Variants in INPP4B observed in about 807,000 individuals in gnomAD.
INPP4B encodes inositol polyphosphate 4-phosphatase type II.
INPP4B carries 55 observed loss-of-function variants against 122.5 expected under a neutral mutation model. The ratio of observed to expected loss-of-function variants is 0.45; its 90% confidence interval spans 0.36 to 0.56. The LOEUF (loss-of-function observed/expected upper bound fraction) is 0.56, where lower values mean the gene tolerates loss of function less well. INPP4B is among the 20% of genes least tolerant of loss of function. The pLI is 0.00. For missense variants in INPP4B, 1,000 were observed against 1,097.7 expected, an observed-to-expected ratio of 0.91 and a Z score of 1.26; for synonymous variants, 403 against 388.7, an observed-to-expected ratio of 1.04 and a Z score of -0.43.
chr4:142,541,147 G>A (rs942137821), intron 2 of INPP4B, among the ~76,000 whole-genome samples: 2 of 152,134 alleles, frequency 1.3e-5, no homozygotes, highest in African/African-American at 2.4e-5. Context: ...TTAAACAGAT[G>A]ATATTTAAAG....
chr4:142,269,306 T>TC (rs397688228), intron 10 of INPP4B, among the ~76,000 whole-genome samples: 6 of 151,246 alleles, frequency 4.0e-5, no homozygotes, highest in Admixed American at 6.6e-5. Flanking sequence ...CCCTCTTTTT[T>TC]CCTCTCTTCT....
chr4:142,617,617 G>A (rs956284453), intron 2 of INPP4B, among the ~76,000 whole-genome samples: 20 of 152,030 alleles, frequency 1.3e-4, no homozygotes, highest in Non-Finnish European at 2.1e-4. Flanking sequence ...AGGTTAGCCC[G>A]TGAGCAATAA....
rs567775229 is a variant in INPP4B at position 142,213,318 on chromosome 4, G to A, written c.837-4292C>T. ...ACCCCGGAGGAATGGTACCATCTCA[G>A]TGGCTCATTGTCAGTCTGTTTCTGG... On this transcript the variant is annotated intron_variant, in intron 12 of 25. Transcript: ENST00000262992. Among the ~76,000 whole-genome samples the A allele has an allele frequency of 2.4e-4, 36 of 152,300 alleles. No individual in the cohort carries two copies. In the South Asian group the frequency reaches 7.3e-3, roughly 31 times the overall value.
chr4:142,483,968 G>A (rs1160051817), intron 2 of INPP4B, among the ~76,000 whole-genome samples: 1 of 151,936 alleles, frequency 6.6e-6, no homozygotes, highest in Non-Finnish European at 1.5e-5. Context: ...TGCATCATGA[G>A]AGGATTAATG....
intron 7 of INPP4B, among the ~76,000 whole-genome samples, chr4:142,374,378 T>C (rs1396093636): frequency 6.6e-6 from 1 of 152,110 alleles, no homozygotes; most frequent in Admixed American, 6.6e-5. Flanking sequence ...TTCAGTCATC[T>C]AGATTTCTCA....
chr4:142,559,719 A>T lies in INPP4B; in HGVS notation c.-190-96993T>A, dbSNP rs571539808. ...GATAACTATATATATTATTTATGTC[A>T]CTAGTTTAACTAGACATGTCATTAA... On this transcript the variant is annotated intron_variant, in intron 2 of 25. Coordinates refer to ENST00000262992, the MANE Select transcript of INPP4B (RefSeq NM_001101669.3). Among the ~76,000 whole-genome samples, 13 of 152,290 alleles carry T rather than the reference A, an allele frequency of 8.5e-5. No individual in the cohort carries two copies. In the East Asian group the frequency reaches 2.5e-3, roughly 29 times the overall value.
At chr4:142,827,850 A>C (rs1441926368) in intron 1 of INPP4B, among the ~76,000 whole-genome samples, 1 of 152,204 alleles carries the variant, frequency 6.6e-6, no homozygotes, top group Non-Finnish European at 1.5e-5. Context: ...AACACTAAGG[A>C]GATATTGGTG....
chr4:142,431,655 G>T (rs1809326702), intron 3 of INPP4B, among the ~76,000 whole-genome samples: 1 of 152,120 alleles, frequency 6.6e-6, no homozygotes, highest in Admixed American at 6.6e-5. Flanking sequence ...TAAGATAGTG[G>T]ATAGCTATAG....
At chr4:142,477,480 T>TAAAC (rs200091143) in intron 2 of INPP4B, among the ~76,000 whole-genome samples, 1,618 of 142,660 alleles carry the variant, frequency 0.011, 30 homozygotes, top group African/African-American at 0.04. Context: ...GAAAAAAAAA[T>TAAAC]AAATCCAGAA....
At chr4:142,190,608 T>G (rs936563208) in intron 15 of INPP4B, among the ~76,000 whole-genome samples, 1 of 152,198 alleles carries the variant, frequency 6.6e-6, no homozygotes, top group African/African-American at 2.4e-5. Context: ...CTTTATTGTA[T>G]TTTATCCATA....
intron 1 of INPP4B, among the ~76,000 whole-genome samples, chr4:142,844,242 T>G (rs145749098): frequency 4.1e-4 from 63 of 152,328 alleles, no homozygotes; most frequent in African/African-American, 1.5e-3. Flanking sequence ...AAAAGCAAAT[T>G]TGAGTTATAA....
intron 1 of INPP4B, among the ~76,000 whole-genome samples, chr4:142,842,706 AAATATAATATATT>A: frequency 7.5e-6 from 1 of 132,460 alleles, no homozygotes; most frequent in East Asian, 2.0e-4. Flanking sequence ...TATAATATAT[AAATATAATATATT>A]AATATATTAT....
intron 2 of INPP4B, among the ~76,000 whole-genome samples, chr4:142,663,848 C>T (rs1755609146): frequency 6.8e-6 from 1 of 146,458 alleles, no homozygotes. Context: ...GAAATTTTCA[C>T]TCTGATAAAA....
chr4:142,619,832 G>A (rs1744503416), intron 2 of INPP4B, among the ~76,000 whole-genome samples: 1 of 151,814 alleles, frequency 6.6e-6, no homozygotes, highest in Non-Finnish European at 1.5e-5. Context: ...TCTCAGGAGT[G>A]GATAAGAAAG....
chr4:142,174,674 T>A (rs190525398), intron 15 of INPP4B, among the ~76,000 whole-genome samples: 1 of 152,102 alleles, frequency 6.6e-6, no homozygotes, highest in East Asian at 1.9e-4. Context: ...ACCCAGGCTG[T>A]AGTACAGTGG....
chr4:142,686,734 T>C (rs762598645), intron 2 of INPP4B, among the ~76,000 whole-genome samples: 1 of 152,154 alleles, frequency 6.6e-6, no homozygotes, highest in African/African-American at 2.4e-5. Context: ...TCAGTTATAA[T>C]ATTTGCTTAT....
intron 15 of INPP4B, among the ~76,000 whole-genome samples, chr4:142,180,730 C>T (rs1007081442): frequency 6.6e-6 from 1 of 152,044 alleles, no homozygotes; most frequent in African/African-American, 2.4e-5. Flanking sequence ...ATCTCTTGAA[C>T]ATAGTATCAA....
At chr4:142,596,481 C>A (rs746358605) in intron 2 of INPP4B, among the ~76,000 whole-genome samples, 3 of 152,186 alleles carry the variant, frequency 2.0e-5, no homozygotes, top group Non-Finnish European at 4.4e-5. Flanking sequence ...AGCTGAGTGA[C>A]TGGGCCCAGG....
chr4:142,468,254 T>C (rs1298240776), intron 2 of INPP4B, among the ~76,000 whole-genome samples: 1 of 152,182 alleles, frequency 6.6e-6, no homozygotes, highest in Non-Finnish European at 1.5e-5. Context: ...TTTTCCATCT[T>C]ACCCCATGGA....
Sources: allele counts gnomAD v4.1 joint callset (sites outside exome capture counted in the v4.1 genomes callset), GRCh38; gene constraint gnomAD v4.1.1; transcripts MANE v1.5; gene names NCBI Gene and HGNC (gene_info 2026-07-23, HGNC 2026-07-21).